EP300: variants seen among roughly 807,000 people sequenced by gnomAD.
The protein encoded by EP300 is EP300 lysine acetyltransferase, also known as histone acetyltransferase p300.
Under a neutral mutation model 264.0 loss-of-function variants are expected in EP300, and 31 were observed. That is an observed-to-expected ratio of 0.12 (90% confidence interval 0.09 to 0.16). The LOEUF (loss-of-function observed/expected upper bound fraction) is 0.16, where lower values mean the gene tolerates loss of function less well. Among genes scored for constraint, EP300 ranks in the 10% least tolerant of loss-of-function variants. The pLI, the probability that EP300 is intolerant of heterozygous loss-of-function variation, is 1.00. For synonymous variants in EP300, 1,340 were observed against 1,045.4 expected (o/e 1.28, Z -5.44); for missense variants, 2,766 against 3,052.9 (o/e 0.91, Z 2.21).
At position 41,155,099 on chromosome 22, in the gene EP300, C is replaced by T. The variant is rs1461863256; in HGVS notation, c.3247C>T (p.Leu1083Phe). Residue 1083 changes from leucine to phenylalanine, a missense_variant, in exon 17 of 31, where the codon CTT becomes TTT. Leu to Phe is a conservative substitution (Grantham distance 22). Transcript: ENST00000263253. Reference sequence around the variant, plus strand: ...CTTTCGTCAACCTGTGGACCCTCAGCTTTTAGGAATCCCTGTAAGTATTTG... The same window carrying T: ...CTTTCGTCAACCTGTGGACCCTCAGTTTTTAGGAATCCCTGTAAGTATTTG... ...LPFRQPVDPQ[L>F]LGIPDYFDIV... 1 of 1,610,660 alleles carries T rather than the reference C, an allele frequency of 6.2e-7. No individual in the cohort carries two copies. The highest frequency in any genetic ancestry group is 8.5e-7 in the Non-Finnish European group (1 of 1,176,962).
chr22:41,178,265 G>A lies in EP300; in HGVS notation c.6554G>A (p.Arg2185Gln), dbSNP rs1413325383. Residue 2185 changes from arginine (R) to glutamine (Q), a missense_variant, in exon 31 of 31, where the codon CGA becomes CAA. By Grantham distance (43) the Arg-to-Gln change is conservative (BLOSUM62 1). Coordinates refer to ENST00000263253, the MANE Select transcript of EP300 (RefSeq NM_001429.4). ...TCACAATTCCGAGACATCTTGAGAC[G>A]ACAGCAAATGATGCAACAGCAGCAG... is the stretch of plus-strand genomic sequence containing the variant. ...MPSQFRDILR[R>Q]QQMMQQQQQQ... 20 of 1,613,996 alleles carry A rather than the reference G, an allele frequency of 1.2e-5. No individual in the cohort carries two copies. The highest frequency in any genetic ancestry group is 2.2e-5 in the South Asian group (2 of 91,074).
At chr22:41,167,158 C>T (rs1323771378) in intron 23 of EP300, among the ~76,000 whole-genome samples, 3 of 152,170 alleles carry the variant, frequency 2.0e-5, no homozygotes, top group Non-Finnish European at 4.4e-5. Context: ...CCTCCACACC[C>T]AGCTAATTTT....
At chr22:41,101,198 C>A (rs1158473413) in intron 1 of EP300, among the ~76,000 whole-genome samples, 1 of 152,060 alleles carries the variant, frequency 6.6e-6, no homozygotes, top group African/African-American at 2.4e-5. Flanking sequence ...CCTCAACCTC[C>A]CAAGTAGCTG....
intron 2 of EP300, among the ~76,000 whole-genome samples, chr22:41,118,196 C>T (rs965360451): frequency 6.6e-6 from 1 of 152,074 alleles, no homozygotes; most frequent in Non-Finnish European, 1.5e-5. Context: ...TTGAATGTCC[C>T]TGGTTTTCAA....
chr22:41,130,268 AAAG>A (rs1468207581), intron 5 of EP300, among the ~76,000 whole-genome samples: 6 of 151,562 alleles, frequency 4.0e-5, no homozygotes, highest in African/African-American at 9.7e-5. Flanking sequence ...AAAAAAAAAA[AAAG>A]AAAGAAAAAA....
At chr22:41,107,370 C>G (rs1026223538) in intron 1 of EP300, among the ~76,000 whole-genome samples, 1 of 150,854 alleles carries the variant, frequency 6.6e-6, no homozygotes, top group African/African-American at 2.4e-5. Context: ...TTCATTTTAC[C>G]TAAAGTACAA....
At chr22:41,127,309 T>C (rs918646073) in intron 3 of EP300, among the ~76,000 whole-genome samples, 178 bp from the exon 4 acceptor site, 14 of 152,172 alleles carry the variant, frequency 9.2e-5, no homozygotes, top group East Asian at 3.8e-4. Context: ...TTTTTTCTTA[T>C]TAAATTGAGC....
chr22:41,163,162 A>G (rs1313193796), intron 21 of EP300, among the ~76,000 whole-genome samples: 1 of 152,156 alleles, frequency 6.6e-6, no homozygotes, highest in Admixed American at 6.5e-5. Context: ...TTGGCCGGGC[A>G]CGGTGGCTCA....
chr22:41,122,515 T>C (rs1300165441), intron 2 of EP300, among the ~76,000 whole-genome samples: 1 of 152,186 alleles, frequency 6.6e-6, no homozygotes, highest in African/African-American at 2.4e-5. Flanking sequence ...CCTCATTCTT[T>C]TATGCTTCCA....
chr22:41,155,881 T>G (rs761753810), intron 17 of EP300, among the ~76,000 whole-genome samples: 1 of 152,254 alleles, frequency 6.6e-6, no homozygotes, highest in Non-Finnish European at 1.5e-5. Flanking sequence ...TTAGGTTGTT[T>G]ACACGTTTTG....
At chr22:41,103,622 G>A (rs2145679739) in intron 1 of EP300, among the ~76,000 whole-genome samples, 1 of 152,236 alleles carries the variant, frequency 6.6e-6, no homozygotes, top group African/African-American at 2.4e-5. Flanking sequence ...GGGTTTTTCA[G>A]ATGAAGCTAA....
rs2145763634 is a variant in EP300 at position 41,168,798 on chromosome 22, G to A, written c.4103G>A (p.Gly1368Asp). Residue 1368 changes from glycine (G) to aspartate (D), a missense_variant, in exon 25 of 31, where the codon GGT becomes GAT. Gly to Asp is a moderately conservative substitution (Grantham distance 94). Transcript: ENST00000263253. Reference protein sequence around the residue: ...KALFAFEEIDGVDLCFFGMHV... With the variant: ...KALFAFEEIDDVDLCFFGMHV... ...CTCTTTGCCTTTGAAGAAATTGATG[G>A]TGTTGACCTGTGCTTCTTTGGCATG... is the stretch of plus-strand genomic sequence containing the variant. The A allele has an allele frequency of 6.2e-7, 1 of 1,614,180 alleles. No homozygotes were observed. The highest frequency in any genetic ancestry group is 8.5e-7 in the Non-Finnish European group (1 of 1,180,040).
chr22:41,179,014 G>C lies in EP300; in HGVS notation c.*58G>C. On this transcript the variant is annotated 3_prime_UTR_variant, in exon 31 of 31. Coordinates refer to ENST00000263253, the MANE Select transcript of EP300 (RefSeq NM_001429.4). ...TTATTTTCTCTTAACAAGACTTTTT[G>C]TACTGAAAACAATTTTTTTGAATCT... is the stretch of plus-strand genomic sequence containing the variant. The C allele has an allele frequency of 6.3e-7, 1 of 1,597,956 alleles. No homozygotes were observed. The highest frequency in any genetic ancestry group is 8.5e-7 in the Non-Finnish European group (1 of 1,173,016).
At chr22:41,152,974 T>A (rs1328328852) in intron 16 of EP300, among the ~76,000 whole-genome samples, 3 of 152,116 alleles carry the variant, frequency 2.0e-5, no homozygotes, top group Admixed American at 6.5e-5. Context: ...GCCAGGATGG[T>A]CTCGATCTCT....
rs1234058174 is a variant in EP300, at chr22:41,178,488, C to G, written c.6777C>G (p.Ala2259=). 6.2e-7 allele frequency: 1 copy of G among 1,614,088 alleles called. No homozygotes were observed. Among genetic ancestry groups the G allele is most frequent in the Non-Finnish European group, 8.5e-7 (1 of 1,180,014 alleles). ...LGAEAGASLQ[A]YQQRLLQQQM... is the part of the protein sequence containing the mutation. ...CAGAGGCAGGTGCCAGTCTACAGGC[C>G]TATCAGCAGCGACTCCTTCAGCAAC... Residue 2259 remains alanine, a synonymous_variant, in exon 31 of 31, where the codon GCC becomes GCG. Coordinates refer to ENST00000263253, the MANE Select transcript of EP300 (RefSeq NM_001429.4).
rs2145766817 is a variant in EP300, at chr22:41,170,533, G to C, written c.4414G>C (p.Asp1472His). ...RLQEWYKKMLDKAVSERIVHD... is the reference protein window; with the variant it reads ...RLQEWYKKMLHKAVSERIVHD... ...GCAGGAATGGTACAAAAAAATGCTT[G>C]ACAAGGCTGTATCAGAGCGTATTGT... Residue 1472 changes from aspartate to histidine, a missense_variant, in exon 27 of 31, where the codon GAC becomes CAC. Coordinates refer to ENST00000263253, the MANE Select transcript of EP300 (RefSeq NM_001429.4). The C allele has an allele frequency of 6.2e-7, 1 of 1,613,974 alleles. No homozygotes were observed. Among genetic ancestry groups the C allele is most frequent in the Non-Finnish European group, 8.5e-7 (1 of 1,179,996 alleles).
Position 41,135,843 on chromosome 22 carries a change from T to C in EP300, c.1559T>C (p.Val520Ala), listed in dbSNP as rs1450953457. ...SASPMGVNGGVGVQTPSLLSD... is the reference protein window; with the variant it reads ...SASPMGVNGGAGVQTPSLLSD... Reference sequence around the variant, plus strand: ...AGTCCTATGGGAGTAAATGGAGGTGTAGGAGTTCAAACGCCGAGTCTTCTT... The same window carrying C: ...AGTCCTATGGGAGTAAATGGAGGTGCAGGAGTTCAAACGCCGAGTCTTCTT... Residue 520 changes from valine (V) to alanine (A), a missense_variant, in exon 7 of 31, where the codon GTA becomes GCA. By Grantham distance (64) the Val-to-Ala change is moderately conservative. Coordinates refer to ENST00000263253, the MANE Select transcript of EP300 (RefSeq NM_001429.4). The C allele has an allele frequency of 1.2e-6, 2 of 1,614,090 alleles. No individual in the cohort carries two copies. The highest frequency in any genetic ancestry group is 1.7e-6 in the Non-Finnish European group (2 of 1,179,968).
chr22:41,171,122 A>T (rs2059168346), intron 27 of EP300, among the ~76,000 whole-genome samples: 1 of 151,990 alleles, frequency 6.6e-6, no homozygotes, highest in Non-Finnish European at 1.5e-5. Flanking sequence ...CCCTGTTTTA[A>T]ACATGTAACC....
intron 26 of EP300, 22 bp downstream of exon 26, chr22:41,169,638 CTTTT>C (rs759341076): frequency 2.9e-6 from 4 of 1,370,022 alleles, no homozygotes; most frequent in Non-Finnish European, 4.2e-6. Flanking sequence ...TTGATAATGG[CTTTT>C]TTTCTTTAAC....
Sources: allele counts gnomAD v4.1 joint callset (sites outside exome capture counted in the v4.1 genomes callset), GRCh38; gene constraint gnomAD v4.1.1; transcripts MANE v1.5; gene names NCBI Gene and HGNC (gene_info 2026-07-23, HGNC 2026-07-21).